Variants in PKHD1 observed in about 807,000 individuals in gnomAD.
PKHD1 encodes PKHD1 ciliary IPT domain containing fibrocystin/polyductin, also known as fibrocystin.
PKHD1 carries 291 observed loss-of-function variants against 412.0 expected under a neutral mutation model. The ratio of observed to expected loss-of-function variants is 0.71; its 90% CI spans 0.64 to 0.78. The LOEUF (loss-of-function observed/expected upper bound fraction) is 0.78, where lower values mean the gene tolerates loss of function less well. Ranked by LOEUF, PKHD1 falls within the 30% of genes least tolerant of loss-of-function variation. The pLI is 0.00. For synonymous variants in PKHD1, 1,777 were observed against 1,821.5 expected (o/e 0.98, Z 0.62); for missense variants, 4,825 against 4,950.7 (o/e 0.97, Z 0.76).
At chr6:51,979,609 T>G (rs1268220655) in intron 35 of PKHD1, among the ~76,000 whole-genome samples, 1 of 151,852 alleles carries the variant, frequency 6.6e-6, no homozygotes, top group African/African-American at 2.4e-5. Flanking sequence ...CCACCTGACC[T>G]GCCTCCCACA....
chr6:51,745,308 GT>G (rs1442270668), intron 59 of PKHD1, among the ~76,000 whole-genome samples: 2 of 152,148 alleles, frequency 1.3e-5, no homozygotes, highest in Non-Finnish European at 2.9e-5. Context: ...CCTTTGGGAA[GT>G]GATAAAGCTA....
chr6:51,649,197 C>T lies in PKHD1; in HGVS notation c.11198G>A (p.Gly3733Glu), dbSNP rs775254522. 1.4e-5 allele frequency: 23 copies of T among 1,611,472 alleles called. No homozygotes were observed. Among genetic ancestry groups the T allele is most frequent in the Non-Finnish European group, 1.7e-5 (20 of 1,177,720 alleles). The change falls in exon 62 of 67, where the codon GGG becomes GAG. Residue 3733 changes from glycine to glutamate, a missense_variant. Coordinates refer to ENST00000371117, the MANE Select transcript of PKHD1 (RefSeq NM_138694.4). ...ATAGGGCCGAATATATATCAAGTTC[C>T]CAGTTTTAAAACTGCTTGTATTTCT... ...GYGNTSSFKT[G>E]NLIYIRPYAL... is the part of the protein sequence containing the mutation.
intron 25 of PKHD1, among the ~76,000 whole-genome samples, chr6:52,044,330 T>TA (rs1270266835): frequency 2.0e-5 from 3 of 152,172 alleles, no homozygotes; most frequent in Non-Finnish European, 2.9e-5. Context: ...TCTCTATGTA[T>TA]AAAAAATGCA....
chr6:51,781,361 A>G (rs998569316), intron 53 of PKHD1, among the ~76,000 whole-genome samples: 5 of 152,198 alleles, frequency 3.3e-5, no homozygotes, highest in East Asian at 1.9e-4. Flanking sequence ...GCATTATCAA[A>G]TTATAATGTC....
chr6:51,922,395 T>G (rs1583387344), intron 37 of PKHD1, among the ~76,000 whole-genome samples: 1 of 152,354 alleles, frequency 6.6e-6, no homozygotes, highest in Non-Finnish European at 1.5e-5. Context: ...TTTAGGCTAC[T>G]CAGGGTCAGG....
chr6:51,621,715 G>C (rs1443831595), intron 66 of PKHD1: 1 of 152,182 alleles, frequency 6.6e-6, no homozygotes, highest in Admixed American at 6.5e-5. Flanking sequence ...GGTGCCCAGA[G>C]AGGCTGGCCA....
Position 52,083,251 on chromosome 6 carries a change from A to T in PKHD1, c.57T>A (p.Arg19=), listed in dbSNP as rs1812299508. 1 of 1,600,318 alleles carries T rather than the reference A, an allele frequency of 6.2e-7. No homozygotes were observed. Among genetic ancestry groups the T allele is most frequent in the Non-Finnish European group, 8.6e-7 (1 of 1,167,390 alleles). The change falls in exon 3 of 67, where the codon CGT becomes CGA. Residue 19 remains arginine (R), a synonymous_variant. Coordinates refer to ENST00000371117, the MANE Select transcript of PKHD1 (RefSeq NM_138694.4). ...MSIEVLLLAV[R]HLSLHIEPEE... ...CAGGTTCAATATGTAAACTCAGGTG[A>T]CGTACTGTAAGTAAGTGAAAAAAAA... is the stretch of plus-strand genomic sequence containing the variant.
intron 35 of PKHD1, among the ~76,000 whole-genome samples, chr6:51,977,845 G>A (rs980787164): frequency 3.9e-5 from 6 of 152,142 alleles, no homozygotes; most frequent in Admixed American, 1.3e-4. Context: ...TGGTTTGGGG[G>A]CAAGCTACAT....
At chr6:51,784,367 C>T (rs1489335429) in intron 53 of PKHD1, among the ~76,000 whole-genome samples, 1 of 152,154 alleles carries the variant, frequency 6.6e-6, no homozygotes, top group Non-Finnish European at 1.5e-5. Flanking sequence ...TTTTTGTCAG[C>T]TCTGAGACCT....
At chr6:51,976,911 G>A (rs1794513113) in intron 35 of PKHD1, among the ~76,000 whole-genome samples, 1 of 129,102 alleles carries the variant, frequency 7.7e-6, no homozygotes, top group African/African-American at 3.1e-5. Context: ...TTGCACCACT[G>A]CACTCCAGCC....
At chr6:51,755,991 C>T (rs914576964) in intron 55 of PKHD1, among the ~76,000 whole-genome samples, 6 of 151,888 alleles carry the variant, frequency 4.0e-5, no homozygotes, top group African/African-American at 7.3e-5. Context: ...CATGGGAGTA[C>T]ATATTAATAA....
Position 51,748,247 on chromosome 6 carries a change from C to T in PKHD1, c.9369G>A (p.Ala3123=), listed in dbSNP as rs745523374. Residue 3123 remains alanine (A), a synonymous_variant, in exon 58 of 67, where the codon GCG becomes GCA. Coordinates refer to ENST00000371117, the MANE Select transcript of PKHD1 (RefSeq NM_138694.4). ...SCELLWSDNV[A]HSSLHGLHLY... ...GATGAAGGCCATGAAGACTTGAATG[C>T]GCCACATTGTCAGACCAAAGCAGTT... 3.4e-5 allele frequency: 55 copies of T among 1,613,896 alleles called. No homozygotes were observed. Among genetic ancestry groups the T allele is most frequent in the South Asian group, 2.9e-4 (26 of 91,076 alleles).
intron 33 of PKHD1, among the ~76,000 whole-genome samples, chr6:52,022,411 T>C (rs1023413236): frequency 3.3e-5 from 5 of 152,204 alleles, no homozygotes; most frequent in Non-Finnish European, 7.4e-5. Context: ...GTACCTCCAA[T>C]AAGCAGATGT....
chr6:51,771,637 GT>G (rs564948091), intron 55 of PKHD1, among the ~76,000 whole-genome samples: 55 of 150,728 alleles, frequency 3.6e-4, no homozygotes, highest in Non-Finnish European at 5.8e-4. Context: ...AAAGGAATTT[GT>G]TTTGTTTTAA....
chr6:51,755,974 G>A (rs200667462), intron 55 of PKHD1, among the ~76,000 whole-genome samples: 1 of 151,774 alleles, frequency 6.6e-6, no homozygotes, highest in Non-Finnish European at 1.5e-5. Context: ...AGTATTCTGT[G>A]TAATACCATG....
intron 52 of PKHD1, among the ~76,000 whole-genome samples, chr6:51,795,032 G>A (rs6906535): frequency 0.59 from 89,824 of 151,968 alleles, 27,217 homozygotes; most frequent in East Asian, 0.83. Context: ...TTTATATGAA[G>A]TTTGAAATAG....
chr6:51,990,050 AT>A (rs1796852482), intron 35 of PKHD1, among the ~76,000 whole-genome samples: 1 of 136,654 alleles, frequency 7.3e-6, no homozygotes, highest in African/African-American at 2.6e-5. Flanking sequence ...TTATTTATTT[AT>A]TTCCTCCCTT....
Position 52,072,190 on chromosome 6 carries a change from C to A in PKHD1, c.528-1G>T, listed in dbSNP as rs202190787. 1 of 1,593,938 alleles carries A rather than the reference C, an allele frequency of 6.3e-7. No individual in the cohort carries two copies. The highest frequency in any genetic ancestry group is 8.6e-7 in the Non-Finnish European group (1 of 1,162,060). On this transcript the variant is annotated splice_acceptor_variant, in intron 7 of 66. Coordinates refer to ENST00000371117, the MANE Select transcript of PKHD1 (RefSeq NM_138694.4). LOFTEE classifies it high-confidence loss of function. ...TCCTTGAGCTTCCAAGATCACTGGG[C>A]TGGATTTAAAAAAAAATGAAAACAA...
chr6:51,652,132 A>T (rs1351791189), intron 61 of PKHD1, among the ~76,000 whole-genome samples: 3 of 152,120 alleles, frequency 2.0e-5, no homozygotes, highest in Non-Finnish European at 4.4e-5. Flanking sequence ...CCCTCCATTC[A>T]TCCCAGTTTT....
Sources: allele counts gnomAD v4.1 joint callset (sites outside exome capture counted in the v4.1 genomes callset), GRCh38; gene constraint gnomAD v4.1.1; transcripts MANE v1.5; gene names NCBI Gene and HGNC (gene_info 2026-07-23, HGNC 2026-07-21).